SYTL3: variants seen among roughly 807,000 people sequenced by gnomAD.
SYTL3 encodes synaptotagmin like 3.
SYTL3 carries 88 observed loss-of-function variants against 82.1 expected under a neutral mutation model. The ratio of observed to expected loss-of-function variants is 1.07; its 90% confidence interval spans 0.90 to 1.28. SYTL3 has a LOEUF of 1.28. Among genes scored for constraint, SYTL3 ranks in the 50% most tolerant of loss-of-function variants. The pLI is 0.00. For missense variants in SYTL3, 831 were observed against 757.6 expected, an observed-to-expected ratio of 1.10 and a Z score of -1.14; for synonymous variants, 311 against 289.4, an observed-to-expected ratio of 1.07 and a Z score of -0.76.
At chr6:158,701,977 C>T (rs562846325) in intron 6 of SYTL3, among the ~76,000 whole-genome samples, 3 of 152,064 alleles carry the variant, frequency 2.0e-5, no homozygotes. Context: ...ATTCCCCCTT[C>T]CCTTCTTGTT....
intron 9 of SYTL3, 143 bp downstream of exon 9, chr6:158,714,021 C>T: frequency 1.5e-6 from 1 of 659,080 alleles, no homozygotes; most frequent in South Asian, 1.7e-5. Context: ...AGCCACAGCA[C>T]CTGGCCCTTC....
intron 5 of SYTL3, among the ~76,000 whole-genome samples, chr6:158,682,647 C>A (rs1250949216): frequency 6.6e-6 from 1 of 152,204 alleles, no homozygotes; most frequent in Non-Finnish European, 1.5e-5. Context: ...GCATGAGCCA[C>A]CACACCTAGC....
upstream of SYTL3, among the ~76,000 whole-genome samples, chr6:158,647,081 T>A (rs1787527460): frequency 6.6e-6 from 1 of 152,212 alleles, no homozygotes; most frequent in African/African-American, 2.4e-5. Flanking sequence ...CCTTTTCAAT[T>A]TTCCCCACAA....
chr6:158,666,951 G>T (rs1233725141), intron 5 of SYTL3, among the ~76,000 whole-genome samples: 1 of 152,192 alleles, frequency 6.6e-6, no homozygotes, highest in Non-Finnish European at 1.5e-5. Flanking sequence ...TCTTTGGTTT[G>T]CTGAAGCCAT....
intron 11 of SYTL3, among the ~76,000 whole-genome samples, chr6:158,739,521 A>G (rs550432667): frequency 3.9e-5 from 6 of 152,194 alleles, no homozygotes; most frequent in African/African-American, 1.2e-4. Flanking sequence ...TCTATATGAG[A>G]GTCCAAACAT....
chr6:158,726,210 C>A, intron 11 of SYTL3: 1 of 437,152 alleles, frequency 2.3e-6, no homozygotes, highest in South Asian at 2.0e-5. Context: ...GCTGAATATC[C>A]CTACACCATC....
At chr6:158,756,717 AAATTTTTTTTTTTTTTTTTTTT>A (rs1789132656) in intron 13 of SYTL3, among the ~76,000 whole-genome samples, 1 of 53,210 alleles carries the variant, frequency 1.9e-5, no homozygotes, top group South Asian at 7.4e-4. Flanking sequence ...TCTCAAAAAA[AAATTTTTTTTTTTTTTTTTTTT>A]TTTTTTTTTA....
At chr6:158,718,835 A>G (rs1221683988) in intron 10 of SYTL3, among the ~76,000 whole-genome samples, 1 of 152,222 alleles carries the variant, frequency 6.6e-6, no homozygotes, top group African/African-American at 2.4e-5. Flanking sequence ...TTGGCTGGGC[A>G]GGTGCCACCA....
chr6:158,724,951 G>A (rs923376391), intron 10 of SYTL3, among the ~76,000 whole-genome samples: 4 of 152,192 alleles, frequency 2.6e-5, no homozygotes, highest in African/African-American at 9.7e-5. Flanking sequence ...AGAGATGGAG[G>A]CTGCAGTGAG....
chr6:158,739,994 CTTTTTTT>C (rs35026438), intron 11 of SYTL3, among the ~76,000 whole-genome samples: 1 of 105,576 alleles, frequency 9.5e-6, no homozygotes, highest in Non-Finnish European at 1.8e-5. Context: ...AGGCAACTTA[CTTTTTTT>C]TTTTTTTTTT....
At chr6:158,679,298 AGGTTGAG>A (rs1442666810) in intron 5 of SYTL3, among the ~76,000 whole-genome samples, 1 of 151,872 alleles carries the variant, frequency 6.6e-6, no homozygotes, top group African/African-American at 2.4e-5. Flanking sequence ...TGAACCTGGG[AGGTTGAG>A]GCTGCAGTGA....
At chr6:158,734,966 A>C (rs2129209) in intron 11 of SYTL3, among the ~76,000 whole-genome samples, 35,681 of 152,090 alleles carry the variant, frequency 0.23, 4,444 homozygotes, top group South Asian at 0.41. Context: ...CGACTTGCTG[A>C]GGTCCTGAGA....
At chr6:158,757,706 T>C (rs1315619470) in intron 14 of SYTL3, among the ~76,000 whole-genome samples, 2 of 152,224 alleles carry the variant, frequency 1.3e-5, no homozygotes, top group Non-Finnish European at 2.9e-5. Flanking sequence ...AAGCTGGCCA[T>C]GCCTTTCCCT....
At chr6:158,693,843 T>TTTTTTA (rs1780224130) in intron 6 of SYTL3, among the ~76,000 whole-genome samples, 1 of 105,558 alleles carries the variant, frequency 9.5e-6, no homozygotes, top group Non-Finnish European at 1.9e-5. Context: ...ATCCAGCCTT[T>TTTTTTA]CTTTTTCTTT....
At chr6:158,677,976 A>G (rs768556528) in intron 5 of SYTL3, among the ~76,000 whole-genome samples, 1 of 151,840 alleles carries the variant, frequency 6.6e-6, no homozygotes, top group Non-Finnish European at 1.5e-5. Flanking sequence ...TGTAAATTCC[A>G]CCTCCTGGGC....
At chr6:158,668,278 G>A (rs2128375813) in intron 5 of SYTL3, among the ~76,000 whole-genome samples, 1 of 152,154 alleles carries the variant, frequency 6.6e-6, no homozygotes, top group East Asian at 1.9e-4. Context: ...CACCCAGGCT[G>A]GAGTGCAGTG....
chr6:158,744,346 G>A (rs556114117), intron 11 of SYTL3, among the ~76,000 whole-genome samples: 24 of 116,924 alleles, frequency 2.1e-4, no homozygotes, highest in African/African-American at 7.7e-4. Flanking sequence ...TTGCTCAGTC[G>A]CCCAGACTGG....
At chr6:158,709,467 A>T (rs1366570134) in intron 8 of SYTL3, among the ~76,000 whole-genome samples, 2 of 152,226 alleles carry the variant, frequency 1.3e-5, no homozygotes, top group African/African-American at 4.8e-5. Flanking sequence ...CAAGTCAGAA[A>T]ATTGTAAGTC....
At chr6:158,653,313 C>T (rs974118077) in intron 2 of SYTL3, among the ~76,000 whole-genome samples, 2 of 151,976 alleles carry the variant, frequency 1.3e-5, no homozygotes, top group East Asian at 1.9e-4. Context: ...TTGAGACCAG[C>T]CTGACCAACA....
Sources: allele counts gnomAD v4.1 joint callset (sites outside exome capture counted in the v4.1 genomes callset), GRCh38; gene constraint gnomAD v4.1.1; transcripts MANE v1.5; gene names NCBI Gene and HGNC (gene_info 2026-07-23, HGNC 2026-07-21).